SSH2: variants seen among roughly 807,000 people sequenced by gnomAD.
The protein encoded by SSH2 is protein phosphatase Slingshot homolog 2.
SSH2 carries 37 observed loss-of-function variants against 135.2 expected under a neutral mutation model. That is an observed-to-expected ratio of 0.27 (90% CI 0.21 to 0.36). The LOEUF (loss-of-function observed/expected upper bound fraction) is 0.36. SSH2 is among the 10% of genes least tolerant of loss of function. SSH2 has a pLI of 1.00. For synonymous variants in SSH2, 628 were observed against 646.2 expected, an observed-to-expected ratio of 0.97 and a Z score of 0.43; for missense variants, 1,408 against 1,765.3, an observed-to-expected ratio of 0.80 and a Z score of 3.63.
chr17:29,701,806 G>A (rs1455341982), intron 4 of SSH2, among the ~76,000 whole-genome samples: 1 of 151,878 alleles, frequency 6.6e-6, no homozygotes, highest in Non-Finnish European at 1.5e-5. Context: ...TCTGACCTCA[G>A]GTGATCCACC....
intron 2 of SSH2, among the ~76,000 whole-genome samples, chr17:29,823,090 T>C (rs1810956937): frequency 6.6e-6 from 1 of 152,088 alleles, no homozygotes; most frequent in South Asian, 2.1e-4. Flanking sequence ...AAAACATCTA[T>C]ATAGATGAAA....
intron 1 of SSH2, among the ~76,000 whole-genome samples, chr17:29,869,044 A>G (rs1010726676): frequency 6.6e-6 from 1 of 152,200 alleles, no homozygotes; most frequent in Non-Finnish European, 1.5e-5. Context: ...GAGCCAGAGA[A>G]CAGAGGAGTG....
intron 1 of SSH2, among the ~76,000 whole-genome samples, chr17:29,892,875 C>T (rs1233173864): frequency 2.6e-5 from 4 of 152,016 alleles, no homozygotes; most frequent in Non-Finnish European, 5.9e-5. Flanking sequence ...ATGATCACTT[C>T]CCCTCAGCAG....
At chr17:29,900,754 T>C (rs904047411) in intron 1 of SSH2, among the ~76,000 whole-genome samples, 1 of 152,136 alleles carries the variant, frequency 6.6e-6, no homozygotes, top group Non-Finnish European at 1.5e-5. Flanking sequence ...AGAAATACCA[T>C]TTGACCCAGC....
chr17:29,767,673 T>C (rs1003527095), intron 3 of SSH2, among the ~76,000 whole-genome samples: 1 of 151,886 alleles, frequency 6.6e-6, no homozygotes, highest in Non-Finnish European at 1.5e-5. Context: ...ATTATTCTAC[T>C]TGCATTTCCC....
intron 3 of SSH2, among the ~76,000 whole-genome samples, chr17:29,735,061 T>G (rs1340470974): frequency 2.0e-5 from 3 of 152,208 alleles, no homozygotes; most frequent in Non-Finnish European, 2.9e-5. Context: ...GTTAGATTCC[T>G]TTGAGAATCA....
At chr17:29,873,060 G>T (rs1447464243) in intron 1 of SSH2, among the ~76,000 whole-genome samples, 5 of 152,026 alleles carry the variant, frequency 3.3e-5, no homozygotes, top group Non-Finnish European at 7.4e-5. Context: ...AGTGCTTCAT[G>T]TTAGAAAGAA....
At chr17:29,692,309 G>A (rs2038519753) in intron 5 of SSH2, among the ~76,000 whole-genome samples, 1 of 152,074 alleles carries the variant, frequency 6.6e-6, no homozygotes, top group Non-Finnish European at 1.5e-5. Flanking sequence ...TTACAGAAGT[G>A]CTAATTTGTC....
At position 29,761,470 on chromosome 17, in the gene SSH2, G is replaced by A. The variant is rs2041303915; in HGVS notation, c.188+32424C>T. Reference sequence around the variant, plus strand: ...CAGCAGTTCGCCCCCACCCGCGTCCGGGGCGGGACGGGCGGGTCCTGAGAG... The same window carrying A: ...CAGCAGTTCGCCCCCACCCGCGTCCAGGGCGGGACGGGCGGGTCCTGAGAG... On this transcript the variant is annotated intron_variant, in intron 3 of 15. Coordinates refer to ENST00000540801, the MANE Select transcript of SSH2 (RefSeq NM_001282129.2). 9 of 992,102 alleles carry A rather than the reference G, an allele frequency of 9.1e-6. No individual in the cohort carries two copies. The South Asian group carries it at 3.9e-4, about 43-fold the overall frequency. The allele number at this position is 992,102 out of a possible 1,614,324, so 61.5% of individuals were successfully genotyped here.
chr17:29,673,605 A>G (rs573130349), intron 8 of SSH2, among the ~76,000 whole-genome samples: 1 of 152,152 alleles, frequency 6.6e-6, no homozygotes, highest in Admixed American at 6.6e-5. Context: ...TTTCCCTCAT[A>G]GCAAAAGTGA....
At chr17:29,799,249 C>T (rs960127846) in intron 2 of SSH2, among the ~76,000 whole-genome samples, 4 of 152,052 alleles carry the variant, frequency 2.6e-5, no homozygotes, top group Admixed American at 6.6e-5. Context: ...CATTCTTGTA[C>T]GTGTCTTTTG....
intron 3 of SSH2, among the ~76,000 whole-genome samples, chr17:29,766,301 C>T (rs1403458603): frequency 6.6e-6 from 1 of 150,974 alleles, no homozygotes. Context: ...TTGAGACCAG[C>T]CTGGGCAAGA....
At chr17:29,676,701 T>C in intron 8 of SSH2, 119 bp downstream of exon 8, 1 of 812,454 alleles carries the variant, frequency 1.2e-6, no homozygotes, top group Non-Finnish European at 2.0e-6. Context: ...ACTACGATGG[T>C]TATACAAACA....
At chr17:29,777,960 C>T (rs903929651) in intron 3 of SSH2, among the ~76,000 whole-genome samples, 2 of 151,932 alleles carry the variant, frequency 1.3e-5, no homozygotes, top group Non-Finnish European at 1.5e-5. Context: ...GCTCTTTCCC[C>T]TCCCATGAAA....
intron 3 of SSH2, chr17:29,776,810 A>T (rs754815478): frequency 6.6e-6 from 1 of 152,270 alleles, no homozygotes; most frequent in Non-Finnish European, 1.5e-5. Flanking sequence ...TATGCCTTTT[A>T]AAATGGATTA....
chr17:29,702,926 C>T, intron 4 of SSH2, 33 bp downstream of exon 4: 2 of 1,469,626 alleles, frequency 1.4e-6, no homozygotes, highest in Non-Finnish European at 1.9e-6. Context: ...GATATAGTTA[C>T]CAAGAAAGAA....
chr17:29,679,686 G>A (rs912736106), intron 6 of SSH2, among the ~76,000 whole-genome samples: 2 of 152,188 alleles, frequency 1.3e-5, no homozygotes, highest in African/African-American at 4.8e-5. Context: ...GATTACAGGC[G>A]TGAGCCACCG....
chr17:29,711,691 G>A (rs894335585), intron 3 of SSH2, among the ~76,000 whole-genome samples: 2 of 152,164 alleles, frequency 1.3e-5, no homozygotes, highest in African/African-American at 4.8e-5. Flanking sequence ...AAGGGGTTTT[G>A]TAGGAAGCTG....
intron 2 of SSH2, among the ~76,000 whole-genome samples, chr17:29,822,660 C>G (rs906905875): frequency 2.0e-5 from 3 of 151,072 alleles, no homozygotes; most frequent in Non-Finnish European, 4.4e-5. Flanking sequence ...CCTCATCCAG[C>G]TGAGCCAGGG....
Sources: gnomAD v4.1 joint callset for allele counts (sites outside exome capture counted in the v4.1 genomes callset) on GRCh38, gnomAD v4.1.1 for gene constraint, MANE v1.5 for transcripts, NCBI Gene and HGNC (gene_info 2026-07-23, HGNC 2026-07-21) for gene names.